Variants in ILDR2 observed in about 807,000 individuals in gnomAD.
ILDR2 encodes the protein immunoglobulin-like domain-containing receptor 2.
ILDR2 carries 25 observed loss-of-function variants against 66.8 expected under a neutral mutation model. The ratio of observed to expected loss-of-function variants is 0.37; its 90% CI spans 0.27 to 0.52. The LOEUF is 0.52. Among genes scored for constraint, ILDR2 ranks in the 20% least tolerant of loss-of-function variants. ILDR2 has a pLI of 0.88. For missense variants in ILDR2, 827 were observed against 876.8 expected (o/e 0.94, Z 0.72); for synonymous variants, 367 against 357.2 (o/e 1.03, Z -0.31).
chr1:166,962,568 C>G (rs1381453199), intron 1 of ILDR2, among the ~76,000 whole-genome samples: 1 of 152,148 alleles, frequency 6.6e-6, no homozygotes, highest in Non-Finnish European at 1.5e-5. Context: ...GAACTGGTAG[C>G]TAATTTGGGT....
chr1:166,966,364 C>T (rs778687239), intron 1 of ILDR2, among the ~76,000 whole-genome samples: 3 of 152,148 alleles, frequency 2.0e-5, no homozygotes, highest in Admixed American at 2.0e-4. Context: ...ACCAGATGTA[C>T]CATCTTGAAA....
chr1:166,941,982 G>A (rs931150781), intron 3 of ILDR2, among the ~76,000 whole-genome samples: 1 of 152,176 alleles, frequency 6.6e-6, no homozygotes, highest in African/African-American at 2.4e-5. Context: ...GCAGTGAACT[G>A]GGAGTCAGAA....
intron 4 of ILDR2, among the ~76,000 whole-genome samples, chr1:166,938,686 C>T (rs1025842865): frequency 6.6e-5 from 10 of 152,174 alleles, no homozygotes; most frequent in Admixed American, 5.9e-4. Context: ...AAAACCAATA[C>T]CCAGGGATAT....
intron 6 of ILDR2, among the ~76,000 whole-genome samples, chr1:166,928,312 G>A (rs945563180): frequency 2.0e-5 from 3 of 152,182 alleles, no homozygotes; most frequent in African/African-American, 7.2e-5. Context: ...TGCCAGGGCT[G>A]GAACCATGTA....
downstream of ILDR2, among the ~76,000 whole-genome samples, chr1:166,906,325 C>A (rs142973052): frequency 6.6e-6 from 1 of 152,118 alleles, no homozygotes; most frequent in Admixed American, 6.5e-5. Flanking sequence ...GGTGACAGGG[C>A]GAACACTGCA....
intron 1 of ILDR2, among the ~76,000 whole-genome samples, chr1:166,972,789 G>T (rs1304549420): frequency 6.6e-6 from 1 of 152,038 alleles, no homozygotes; most frequent in African/African-American, 2.4e-5. Context: ...AATGAATGTG[G>T]TTTTTTTCCT....
rs775791764 is a variant in ILDR2 at position 166,957,781 on chromosome 1, T to A, written c.367A>T (p.Thr123Ser). 6.2e-7 allele frequency: 1 copy of A among 1,610,744 alleles called. No homozygotes were observed. Among genetic ancestry groups the A allele is most frequent in the Non-Finnish European group, 8.5e-7 (1 of 1,177,292 alleles). The change falls in exon 2 of 10, where the codon ACG becomes TCG. Residue 123 changes from threonine (T) to serine (S), a missense_variant. This residue lies in a region of ILDR2 where 437 missense variants were observed against 523.2 expected (regional missense o/e 0.84). Transcript: ENST00000271417. ...GGGGCATTATTACCATGAACAATCG[T>A]GATCTCTCTGCCCCTGTAGAAATCT... ...LGDFYRGREI[T>S]IVHDADLQIG...
At position 166,918,361 on chromosome 1, in the gene ILDR2, A is replaced by G. The variant is rs569167179; in HGVS notation, c.*994T>C. The G allele has an allele frequency of 1.3e-5, 2 of 152,348 alleles. No individual in the cohort carries two copies. Among genetic ancestry groups the G allele is most frequent in the South Asian group, 4.1e-4 (2 of 4,824 alleles). 9.4% of individuals were successfully genotyped at this position (152,348 alleles called of 1,614,324 possible). A position where few individuals can be genotyped will look rare whatever the true frequency, so the allele number is the denominator to read the frequency against. On this transcript the variant is annotated 3_prime_UTR_variant, in exon 10 of 10. Coordinates refer to ENST00000271417, the MANE Select transcript of ILDR2 (RefSeq NM_199351.3). ...AGACTGAGTGAAGTTTGTGGGTGAA[A>G]TGGTCCACATTCAAAATATAATGAG... is the stretch of plus-strand genomic sequence containing the variant.
intron 2 of ILDR2, among the ~76,000 whole-genome samples, chr1:166,900,611 A>G (rs1489449705): frequency 6.6e-6 from 1 of 152,254 alleles, no homozygotes; most frequent in Non-Finnish European, 1.5e-5. Flanking sequence ...GAAAGGCTAC[A>G]TAACTTGTTT....
rs548463792 is a variant in ILDR2, at chr1:166,975,245, C to A, written c.24G>T (p.Trp8Cys). The A allele has an allele frequency of 3.1e-6, 5 of 1,613,496 alleles. No individual in the cohort carries two copies. The East Asian group carries it at 8.9e-5, about 29-fold the overall frequency. Reference sequence around the variant, plus strand: ...TACCTGTTAGCCAGAAGAGAGAAATCCACCTCAGCAAGACCCTATCCATCT... The same window carrying A: ...TACCTGTTAGCCAGAAGAGAGAAATACACCTCAGCAAGACCCTATCCATCT... MDRVLLR[W>C]ISLFWLTAMV... is the part of the protein sequence containing the mutation. Residue 8 changes from tryptophan (W) to cysteine (C), a missense_variant, in exon 1 of 10, where the codon TGG (tryptophan) becomes TGT (cysteine). Around this residue, in one of 2 missense-constraint regions of ILDR2, gnomAD observed 437 missense variants for 523.2 expected, o/e 0.84. Transcript: ENST00000271417.
intron 3 of ILDR2, among the ~76,000 whole-genome samples, chr1:166,944,917 G>T (rs1661524125): frequency 1.3e-5 from 2 of 152,086 alleles, no homozygotes; most frequent in Non-Finnish European, 1.5e-5. Flanking sequence ...TCCAGAGCAG[G>T]GACTATGCTC....
chr1:166,932,295 G>T (rs1660684976), intron 6 of ILDR2, among the ~76,000 whole-genome samples: 1 of 152,258 alleles, frequency 6.6e-6, no homozygotes, highest in Non-Finnish European at 1.5e-5. Context: ...GAAAGCAATA[G>T]CAAGATGGAA....
chr1:166,921,006 G>A lies in ILDR2; in HGVS notation c.1585C>T (p.Leu529=), dbSNP rs1219837363. 12 of 1,512,350 alleles carry A rather than the reference G, an allele frequency of 7.9e-6. No homozygotes were observed. The highest frequency in any genetic ancestry group is 6.5e-5 in the Admixed American group (3 of 46,172). The allele number at this position is 1,512,350 out of a possible 1,614,324, so 93.7% of individuals were successfully genotyped here. A position where few individuals can be genotyped will look rare whatever the true frequency, so the allele number is the denominator to read the frequency against. The change falls in exon 9 of 10, where the codon CTG becomes TTG. Residue 529 remains leucine, a synonymous_variant. Coordinates refer to ENST00000271417, the MANE Select transcript of ILDR2 (RefSeq NM_199351.3). This position sits in a 1 kb window ranked among gnomAD's most constrained non-coding sequence, Gnocchi z 5.3. ...GTAPKYDHSY[L]GSARERQARP... ...GCCTGGCGCTCCCGCGCGCTGCCCA[G>A]GTACGAGTGGTCGTATTTGGGTGCG...
chr1:166,947,756 C>A (rs372196269), intron 3 of ILDR2, among the ~76,000 whole-genome samples: 4 of 152,304 alleles, frequency 2.6e-5, no homozygotes, highest in South Asian at 4.1e-4. Context: ...CCGGGGTAAC[C>A]ACGGTAACCG....
rs1237848165 is a variant in ILDR2 at position 166,915,579 on chromosome 1, G to A, written c.*3776C>T. The A allele has an allele frequency of 6.6e-6, 1 of 152,144 alleles. No homozygotes were observed. The highest frequency in any genetic ancestry group is 1.5e-5 in the Non-Finnish European group (1 of 68,038). The allele number at this position is 152,144 out of a possible 1,614,324, so 9.4% of individuals were successfully genotyped here. On this transcript the variant is annotated 3_prime_UTR_variant, in exon 10 of 10. Transcript: ENST00000271417. ...TCAGCAGAAAAGATCCAGAGGTTGGGAGTCTAAAGACCTAATAGGTTTGTG... is the reference window on the plus strand; with the variant it reads ...TCAGCAGAAAAGATCCAGAGGTTGGAAGTCTAAAGACCTAATAGGTTTGTG...
chr1:166,971,582 C>T (rs1663301676), intron 1 of ILDR2, among the ~76,000 whole-genome samples: 1 of 152,174 alleles, frequency 6.6e-6, no homozygotes, highest in South Asian at 2.1e-4. Flanking sequence ...CACTCAGGCC[C>T]TTGGGTAGCT....
Position 166,921,533 on chromosome 1 carries a change from C to T in ILDR2, c.1212-154G>A, listed in dbSNP as rs1209801862. Among the ~76,000 whole-genome samples, 1 of 152,220 alleles carries T rather than the reference C, an allele frequency of 6.6e-6. No homozygotes were observed. Among genetic ancestry groups the T allele is most frequent in the Admixed American group, 6.5e-5 (1 of 15,288 alleles). ...CAGGCTGGATGAAGCATTCCAGGCT[C>T]CTCTCACACCCCAGAACGTCAAGTA... On this transcript the variant is annotated intron_variant, in intron 8 of 9. Transcript: ENST00000271417. The surrounding 1 kb of genome is among the most constrained non-coding windows in gnomAD (Gnocchi z 5.3).
downstream of ILDR2, among the ~76,000 whole-genome samples, chr1:166,904,704 T>C (rs1249678905): frequency 2.0e-5 from 3 of 152,200 alleles, no homozygotes; most frequent in Non-Finnish European, 4.4e-5. Flanking sequence ...CAGATAACAA[T>C]GTACATAAAT....
intron 4 of ILDR2, among the ~76,000 whole-genome samples, chr1:166,937,501 G>T (rs1481928617): frequency 6.6e-6 from 1 of 152,256 alleles, no homozygotes; most frequent in African/African-American, 2.4e-5. Context: ...GGCTCAAGTG[G>T]CTCTGAGCTT....
Sources: gnomAD v4.1 joint callset for allele counts (sites outside exome capture counted in the v4.1 genomes callset) on GRCh38, gnomAD v4.1.1 for gene constraint, gnomAD v4.1.1 regional missense constraint, Gnocchi (gnomAD v3.1) non-coding constraint, MANE v1.5 for transcripts, NCBI Gene and HGNC (gene_info 2026-07-23, HGNC 2026-07-21) for gene names.